CIB1: variants seen among roughly 807,000 people sequenced by gnomAD.
CIB1 encodes calcium and integrin-binding protein 1.
Under a neutral mutation model 25.0 loss-of-function variants are expected in CIB1, and 19 were observed. That is an observed-to-expected ratio of 0.76 (90% CI 0.53 to 1.12). The LOEUF is 1.12. CIB1 is among the 50% of genes most tolerant of loss of function. CIB1 has a pLI of 0.00. For missense variants in CIB1, 236 were observed against 242.6 expected, an observed-to-expected ratio of 0.97 and a Z score of 0.18; for synonymous variants, 104 against 98.5, an observed-to-expected ratio of 1.06 and a Z score of -0.33.
In CIB1 at chr15:90,233,819, C is replaced by A; in HGVS notation, c.51+16G>T. ...GGCCCGCACGCGAGCTCCCCAGGGC[C>A]AGGCGTCCCGCGCACCTGGTACTCG... is the stretch of plus-strand genomic sequence containing the variant. On this transcript the variant is annotated intron_variant, in intron 1 of 6. Coordinates refer to ENST00000328649, the MANE Select transcript of CIB1 (RefSeq NM_006384.4). 6.5e-7 allele frequency: 1 copy of A among 1,546,216 alleles called. No homozygotes were observed. Among genetic ancestry groups the A allele is most frequent in the Admixed American group, 2.0e-5 (1 of 51,036 alleles).
chr15:90,249,265 A>G, the CIB1 span, among the ~76,000 whole-genome samples: 2 of 150,258 alleles, frequency 1.3e-5, no homozygotes, highest in South Asian at 4.2e-4. Context: ...GCAAACAGCT[A>G]TTTGTCCTCA....
At chr15:90,233,142 CT>C (rs977790282) in intron 2 of CIB1, among the ~76,000 whole-genome samples, 5 of 152,260 alleles carry the variant, frequency 3.3e-5, no homozygotes, top group African/African-American at 1.2e-4. Flanking sequence ...AATCTACTTA[CT>C]CAGAGTGTTG....
the CIB1 span, chr15:90,258,723 A>G: frequency 6.2e-7 from 1 of 1,610,430 alleles, no homozygotes; most frequent in Admixed American, 1.7e-5. Flanking sequence ...AAAGGGGTGT[A>G]TAATGACTCC....
Position 90,232,116 on chromosome 15 carries a change from G to T in CIB1, c.195+103C>A, listed in dbSNP as rs900850390. On this transcript the variant is annotated intron_variant, in intron 3 of 6. Transcript: ENST00000328649. Reference sequence around the variant, plus strand: ...CTAAGCAGAAAAATGACCAGAGTGGGGACCAGTGACCCCATGATCCCAAAG... The same window carrying T: ...CTAAGCAGAAAAATGACCAGAGTGGTGACCAGTGACCCCATGATCCCAAAG... 9.0e-6 allele frequency: 8 copies of T among 887,308 alleles called. No homozygotes were observed. In the African/African-American group the frequency reaches 1.3e-4, roughly 15 times the overall value. 55.0% of individuals were successfully genotyped at this position (887,308 alleles called of 1,614,324 possible). A position where few individuals can be genotyped will look rare whatever the true frequency, so the allele number is the denominator to read the frequency against.
At chr15:90,246,057 G>A in the CIB1 span, among the ~76,000 whole-genome samples, 3 of 151,924 alleles carry the variant, frequency 2.0e-5, no homozygotes, top group South Asian at 4.1e-4. Context: ...GCAGATCACC[G>A]GAGGTCAGGA....
chr15:90,237,221 A>C (rs1216983211), upstream of CIB1, among the ~76,000 whole-genome samples: 1 of 148,900 alleles, frequency 6.7e-6, no homozygotes, highest in Non-Finnish European at 1.5e-5. Flanking sequence ...GGCCCCCCAG[A>C]GTGCTGGGAT....
the CIB1 span, chr15:90,262,612 A>G: frequency 6.5e-7 from 1 of 1,532,186 alleles, no homozygotes; most frequent in East Asian, 2.4e-5. Flanking sequence ...GACCCAGGGC[A>G]GGGCTCCAGA....
upstream of CIB1, among the ~76,000 whole-genome samples, chr15:90,237,577 A>C (rs1170861466): frequency 6.6e-6 from 1 of 152,120 alleles, no homozygotes; most frequent in African/African-American, 2.4e-5. Context: ...GGTGTGAGCC[A>C]CCGCACCCAG....
the CIB1 span, chr15:90,242,040 G>A: frequency 1.2e-6 from 2 of 1,609,258 alleles, no homozygotes; most frequent in East Asian, 4.5e-5. Flanking sequence ...AGCACTGGTG[G>A]CCCTGATGTC....
At chr15:90,256,804 C>CA in the CIB1 span, among the ~76,000 whole-genome samples, 1 of 152,096 alleles carries the variant, frequency 6.6e-6, no homozygotes, top group Non-Finnish European at 1.5e-5. Context: ...TTCTCTGCCT[C>CA]AGCCTCCTGA....
the CIB1 span, among the ~76,000 whole-genome samples, chr15:90,252,043 C>CTTTTTTTT: frequency 2.2e-5 from 3 of 133,474 alleles, no homozygotes; most frequent in Non-Finnish European, 1.6e-5. Flanking sequence ...TCACCTAATT[C>CTTTTTTTT]TTTTTTTTTT....
intron 3 of CIB1, 149 bp downstream of exon 3, chr15:90,232,070 C>G (rs1047408612): frequency 4.8e-6 from 3 of 626,212 alleles, no homozygotes; most frequent in South Asian, 4.6e-5. Context: ...TGGTAAAGTC[C>G]TTGCCCCTAG....
the CIB1 span, chr15:90,259,052 T>C: frequency 1.3e-6 from 2 of 1,522,020 alleles, no homozygotes; most frequent in Non-Finnish European, 1.8e-6. Context: ...ATAGATAATA[T>C]GTTCATATTT....
chr15:90,265,555 C>A, the CIB1 span: 1 of 1,384,892 alleles, frequency 7.2e-7, no homozygotes. Flanking sequence ...AAAGGGTGGG[C>A]CACTGAGCAG....
chr15:90,240,980 A>G, the CIB1 span: 2 of 1,614,028 alleles, frequency 1.2e-6, no homozygotes, highest in South Asian at 1.1e-5. Flanking sequence ...GGGGCAGGCA[A>G]ACCATTCCTG....
chr15:90,248,979 C>T, the CIB1 span, among the ~76,000 whole-genome samples: 1 of 151,992 alleles, frequency 6.6e-6, no homozygotes, highest in African/African-American at 2.4e-5. Context: ...AGAGGCAAAG[C>T]CTTGAAAGGC....
the CIB1 span, chr15:90,240,790 G>T: frequency 2.7e-5 from 19 of 694,294 alleles, no homozygotes; most frequent in Non-Finnish European, 4.2e-5. Context: ...CTCCAGCCTG[G>T]GTGACAGAGT....
chr15:90,254,403 G>A, the CIB1 span, among the ~76,000 whole-genome samples: 1 of 141,334 alleles, frequency 7.1e-6, no homozygotes, highest in Non-Finnish European at 1.5e-5. Context: ...TGAGGCAGGA[G>A]AATCACTTGA....
chr15:90,253,190 A>G, the CIB1 span: 2 of 1,437,746 alleles, frequency 1.4e-6, no homozygotes, highest in Non-Finnish European at 2.0e-6. Flanking sequence ...CCAGCTACAC[A>G]GTTCCAGGGC....
Sources: gnomAD v4.1 joint callset for allele counts (sites outside exome capture counted in the v4.1 genomes callset) on GRCh38, gnomAD v4.1.1 for gene constraint, MANE v1.5 for transcripts, NCBI Gene and HGNC (gene_info 2026-07-23, HGNC 2026-07-21) for gene names.